The following NIPBL variants were observed in gnomAD, a reference collection of about 807,000 sequenced individuals.
NIPBL encodes NIPBL cohesin loading factor.
Under a neutral mutation model 321.8 loss-of-function variants are expected in NIPBL, and 19 were observed. The ratio of observed to expected loss-of-function variants is 0.06; its 90% CI spans 0.04 to 0.09. NIPBL has a LOEUF of 0.09. NIPBL is among the 10% of genes least tolerant of loss of function. The probability of loss-of-function intolerance (pLI) is 1.00; values close to 1 mark genes in which losing one functional copy is unlikely to be tolerated. For missense variants in NIPBL, 2,210 were observed against 3,327.0 expected (o/e 0.66, Z 8.26); for synonymous variants, 1,106 against 1,114.1 (o/e 0.99, Z 0.14).
At chr5:36,923,221 G>A (rs576920374) in intron 1 of NIPBL, among the ~76,000 whole-genome samples, 71 of 152,080 alleles carry the variant, frequency 4.7e-4, no homozygotes, top group Non-Finnish European at 8.2e-4. Flanking sequence ...CAGGAGAATC[G>A]CTTGAACCCA....
At chr5:37,001,563 G>A (rs980563126) in intron 14 of NIPBL, among the ~76,000 whole-genome samples, 2 of 152,034 alleles carry the variant, frequency 1.3e-5, no homozygotes, top group Non-Finnish European at 2.9e-5. Flanking sequence ...GCAGAAATAA[G>A]CATCTATTCT....
At position 36,961,341 on chromosome 5, in the gene NIPBL, A is replaced by G. The variant is rs1320785864; in HGVS notation, c.359-143A>G. 3 of 639,480 alleles carry G rather than the reference A, an allele frequency of 4.7e-6. No individual in the cohort carries two copies. In the East Asian group the frequency reaches 8.3e-5, roughly 18 times the overall value. The allele number at this position is 639,480 out of a possible 1,614,324, so 39.6% of individuals were successfully genotyped here. On this transcript the variant is annotated intron_variant, in intron 4 of 46. Transcript: ENST00000282516. Reference sequence around the variant, plus strand: ...TTGTTCTTGAAATTTACAGTTTTACAGCGTCTATATTTTGCTCTTTGAAAT... The same window carrying G: ...TTGTTCTTGAAATTTACAGTTTTACGGCGTCTATATTTTGCTCTTTGAAAT...
chr5:36,973,299 G>T (rs1208451060), intron 8 of NIPBL, among the ~76,000 whole-genome samples: 4 of 146,424 alleles, frequency 2.7e-5, no homozygotes, highest in Non-Finnish European at 4.5e-5. Flanking sequence ...GATTGTGTTC[G>T]TACTATTTAT....
intron 1 of NIPBL, among the ~76,000 whole-genome samples, chr5:36,907,133 G>T (rs934017054): frequency 6.6e-6 from 1 of 152,204 alleles, no homozygotes; most frequent in Admixed American, 6.5e-5. Flanking sequence ...AATGGCGATT[G>T]TGAACCAGTA....
chr5:36,984,783 T>C lies in NIPBL; in HGVS notation c.1603T>C (p.Ser535Pro). The change falls in exon 10 of 47, where the codon TCA becomes CCA. Residue 535 changes from serine to proline, a missense_variant. By Grantham distance (74) the Ser-to-Pro change is moderately conservative. Around this residue, in one of 14 missense-constraint regions of NIPBL, gnomAD observed 588 missense variants for 564.1 expected, o/e 1.04. Transcript: ENST00000282516. ...SQETGSTGNGSRPALMVSIDL... is the reference protein window; with the variant it reads ...SQETGSTGNGPRPALMVSIDL... ...GGAGACGGGTTCTACGGGAAATGGG[T>C]CAAGGCCAGCATTAATGGTTAGCAT... 6.2e-7 allele frequency: 1 copy of C among 1,613,690 alleles called. No homozygotes were observed.
chr5:36,982,931 T>C (rs186083212), intron 9 of NIPBL, among the ~76,000 whole-genome samples: 69 of 152,038 alleles, frequency 4.5e-4, no homozygotes, highest in Non-Finnish European at 7.4e-4. Flanking sequence ...CTCAAAAATA[T>C]AGAAATCTTA....
chr5:36,898,893 C>T (rs1048663890), intron 1 of NIPBL, among the ~76,000 whole-genome samples: 1 of 152,096 alleles, frequency 6.6e-6, no homozygotes, highest in Non-Finnish European at 1.5e-5. Flanking sequence ...ATTGCTTCTC[C>T]ACTACCTTTG....
chr5:36,977,287 T>C (rs1743582712), intron 9 of NIPBL, among the ~76,000 whole-genome samples: 1 of 152,026 alleles, frequency 6.6e-6, no homozygotes, highest in Admixed American at 6.6e-5. Context: ...TCAGTTCTTA[T>C]ATTTTATTTC....
At position 37,064,689 on chromosome 5, in the gene NIPBL, C is replaced by G; in HGVS notation, c.8212C>G (p.Gln2738Glu). The G allele has an allele frequency of 1.2e-6, 2 of 1,614,164 alleles. No homozygotes were observed. Among genetic ancestry groups the G allele is most frequent in the Non-Finnish European group, 1.7e-6 (2 of 1,180,026 alleles). Residue 2738 changes from glutamine to glutamate, a missense_variant, in exon 47 of 47, where the codon CAG (glutamine) becomes GAG (glutamate). Gln to Glu is a conservative substitution (Grantham distance 29). Transcript: ENST00000282516. ...VQKTSSGFSV[Q>E]WMAGSYSGSW... ...GAAAACCAGCAGTGGCTTCAGTGTT[C>G]AGTGGATGGCAGGCTCCTACAGTGG... is the stretch of plus-strand genomic sequence containing the variant.
At chr5:36,922,010 C>A (rs895784060) in intron 1 of NIPBL, among the ~76,000 whole-genome samples, 6 of 151,742 alleles carry the variant, frequency 4.0e-5, no homozygotes, top group Admixed American at 3.3e-4. Flanking sequence ...CCCCAGCCTC[C>A]CGAGTAGCTG....
intron 42 of NIPBL, among the ~76,000 whole-genome samples, chr5:37,056,399 T>C (rs993019139): frequency 6.6e-6 from 1 of 152,162 alleles, no homozygotes; most frequent in Admixed American, 6.5e-5. Context: ...GCTATAAATA[T>C]TTAAAAGAAA....
At chr5:36,927,472 A>C (rs1056469790) in intron 1 of NIPBL, among the ~76,000 whole-genome samples, 1 of 152,170 alleles carries the variant, frequency 6.6e-6, no homozygotes, top group South Asian at 2.1e-4. Flanking sequence ...GGAGTGCAAG[A>C]GTGAAAAAGA....
chr5:36,963,377 G>T (rs1028497195), intron 6 of NIPBL, among the ~76,000 whole-genome samples: 1 of 152,028 alleles, frequency 6.6e-6, no homozygotes, highest in Non-Finnish European at 1.5e-5. Context: ...ACTTATTAAT[G>T]TATAAACTTT....
intron 10 of NIPBL, among the ~76,000 whole-genome samples, chr5:36,986,769 GGTTA>G (rs1282835309): frequency 3.9e-5 from 6 of 152,100 alleles, no homozygotes; most frequent in South Asian, 2.1e-4. Context: ...TTGGGGAGAT[GGTTA>G]GTTAAATATG....
chr5:36,890,143 T>C (rs10053695), intron 1 of NIPBL, among the ~76,000 whole-genome samples: 6,359 of 152,218 alleles, frequency 0.042, 454 homozygotes, highest in African/African-American at 0.14. Context: ...TGCCCAGTAT[T>C]TTGTCAGTGG....
rs767586775 is a variant in NIPBL at position 37,059,024 on chromosome 5, C to T, written c.7544C>T (p.Ser2515Leu). ...GTAGATTCAGATTCAGATTCAGATT[C>T]AGAAGACGATATAAATTCAGTGATG... ...KRVDSDSDSDSEDDINSVMKC... is the reference protein window; with the variant it reads ...KRVDSDSDSDLEDDINSVMKC... The change falls in exon 44 of 47, where the codon TCA (serine) becomes TTA (leucine). Residue 2515 changes from serine (S) to leucine (L), a missense_variant. Transcript: ENST00000282516. The T allele has an allele frequency of 1.2e-5, 20 of 1,614,074 alleles. No individual in the cohort carries two copies. Among genetic ancestry groups the T allele is most frequent in the East Asian group, 2.2e-5 (1 of 44,876 alleles).
chr5:37,002,668 A>G lies in NIPBL; in HGVS notation c.3671A>G (p.Asp1224Gly), dbSNP rs2149672431. 1 of 1,602,646 alleles carries G rather than the reference A, an allele frequency of 6.2e-7. No homozygotes were observed. The highest frequency in any genetic ancestry group is 8.5e-7 in the Non-Finnish European group (1 of 1,169,872). ...GTTTGGCTTGATTTTGCAGGTGATGATGATGAAATTCCTCAGGAACTGCTC... is the reference window on the plus strand; with the variant it reads ...GTTTGGCTTGATTTTGCAGGTGATGGTGATGAAATTCCTCAGGAACTGCTC... Reference protein sequence around the residue: ...EDMDFTAFGDDDEIPQELLLG... With the variant: ...EDMDFTAFGDGDEIPQELLLG... Residue 1224 changes from aspartate to glycine, a missense_variant, in exon 15 of 47, where the codon GAT (aspartate) becomes GGT (glycine). By Grantham distance (94) the Asp-to-Gly change is moderately conservative (BLOSUM62 -1). Transcript: ENST00000282516.
chr5:36,952,325 C>T (rs1263483514), intron 1 of NIPBL, among the ~76,000 whole-genome samples: 1 of 152,000 alleles, frequency 6.6e-6, no homozygotes, highest in African/African-American at 2.4e-5. Flanking sequence ...CAAATACAAC[C>T]TTAAAAAGAT....
At chr5:36,921,551 T>G (rs1748942333) in intron 1 of NIPBL, among the ~76,000 whole-genome samples, 1 of 152,202 alleles carries the variant, frequency 6.6e-6, no homozygotes, top group Non-Finnish European at 1.5e-5. Context: ...ATTTAGGACT[T>G]GGGCATTTGT....
Sources: gnomAD v4.1 joint callset for allele counts (sites outside exome capture counted in the v4.1 genomes callset) on GRCh38, gnomAD v4.1.1 for gene constraint, gnomAD v4.1.1 regional missense constraint, MANE v1.5 for transcripts, NCBI Gene and HGNC (gene_info 2026-07-23, HGNC 2026-07-21) for gene names.